HNRNPF: variants seen among roughly 807,000 people sequenced by gnomAD.
The protein encoded by HNRNPF is heterogeneous nuclear ribonucleoprotein F.
HNRNPF carries 2 observed loss-of-function variants against 26.0 expected under a neutral mutation model. The observed-to-expected ratio is 0.08, with a 90% confidence interval of 0.03 to 0.24. HNRNPF has a LOEUF of 0.24. HNRNPF is among the 10% of genes least tolerant of loss of function. The probability of loss-of-function intolerance (pLI) is 1.00; values close to 1 mark genes in which losing one functional copy is unlikely to be tolerated. For missense variants in HNRNPF, 299 were observed against 539.2 expected (o/e 0.55, Z 4.41); for synonymous variants, 234 against 211.5 (o/e 1.11, Z -0.92).
In HNRNPF at chr10:43,387,252, G is replaced by A. The variant is rs760900002; in HGVS notation, c.633C>T (p.Asp211=). The A allele has an allele frequency of 1.2e-6, 2 of 1,614,224 alleles. No homozygotes were observed. Among genetic ancestry groups the A allele is most frequent in the South Asian group, 1.1e-5 (1 of 91,088 alleles). ...FMSVQRPGPY[D]RPGTARRYIG... ...TGTACCTCCTGGCAGTCCCGGGCCG[G>A]TCATAGGGCCCTGGCCGCTGCACGG... Residue 211 remains aspartate (D), a synonymous_variant, in exon 4 of 4, where the codon GAC becomes GAT. Transcript: ENST00000682386. The surrounding 1 kb of genome is among the most constrained non-coding windows in gnomAD (Gnocchi z 6.0).
chr10:43,393,287 T>A (rs1408760558), intron 3 of HNRNPF, among the ~76,000 whole-genome samples: 1 of 152,296 alleles, frequency 6.6e-6, no homozygotes, highest in South Asian at 2.1e-4. Flanking sequence ...AGATTACCGA[T>A]ATATCTTTTA....
chr10:43,395,556 C>G (rs891942876), intron 2 of HNRNPF, among the ~76,000 whole-genome samples: 1 of 152,198 alleles, frequency 6.6e-6, no homozygotes, highest in Non-Finnish European at 1.5e-5. Flanking sequence ...GTCTTGCAAA[C>G]TTCCAGTGAT....
chr10:43,402,576 C>G (rs987578378), intron 1 of HNRNPF, among the ~76,000 whole-genome samples: 3 of 152,216 alleles, frequency 2.0e-5, no homozygotes, highest in African/African-American at 7.2e-5. Flanking sequence ...CCCTAGCATA[C>G]TAATACAACG....
At chr10:43,402,905 T>TA (rs397789925) in intron 1 of HNRNPF, among the ~76,000 whole-genome samples, 1 of 150,738 alleles carries the variant, frequency 6.6e-6, no homozygotes, top group Non-Finnish European at 1.5e-5. Context: ...TTTTTTTTTT[T>TA]AAACGGGGTC....
intron 1 of HNRNPF, among the ~76,000 whole-genome samples, chr10:43,398,584 C>G (rs953190298): frequency 6.6e-6 from 1 of 152,116 alleles, no homozygotes; most frequent in Non-Finnish European, 1.5e-5. Flanking sequence ...TTGTGATCCA[C>G]CCACTTCAGC....
Position 43,386,680 on chromosome 10 carries a change from C to T in HNRNPF, c.1205G>A (p.Gly402Glu), listed in dbSNP as rs1838037514. Residue 402 changes from glycine to glutamate, a missense_variant, in exon 4 of 4, where the codon GGG becomes GAG. Physicochemically the swap from Gly to Glu is moderately conservative, Grantham distance 98 (BLOSUM62 -2). This residue lies in a region of HNRNPF where 53 missense variants were observed against 72.4 expected (regional missense o/e 0.73). Transcript: ENST00000682386. ...GCTGTTCTGCCCACTGTAGCCGGCC[C>T]CGTAACAGCCACTCACTGACTGGCT... is the stretch of plus-strand genomic sequence containing the variant. ...LESQSVSGCY[G>E]AGYSGQNSMG... is the part of the protein sequence containing the mutation. The T allele has an allele frequency of 6.3e-7, 1 of 1,590,598 alleles. No individual in the cohort carries two copies. Among genetic ancestry groups the T allele is most frequent in the South Asian group, 1.1e-5 (1 of 87,432 alleles).
At position 43,387,402 on chromosome 10, in the gene HNRNPF, C is replaced by T. The variant is rs762259484; in HGVS notation, c.483G>A (p.Ser161=). The T allele has an allele frequency of 6.8e-6, 11 of 1,614,192 alleles. No individual in the cohort carries two copies. The highest frequency in any genetic ancestry group is 1.1e-5 in the South Asian group (1 of 91,084). The change falls in exon 4 of 4, where the codon TCG becomes TCA. Residue 161 remains serine, a synonymous_variant. Coordinates refer to ENST00000682386, the MANE Select transcript of HNRNPF (RefSeq NM_001098204.2). The surrounding 1 kb of genome is among the most constrained non-coding windows in gnomAD (Gnocchi z 6.0). ...CTAGAGCCTTCTCAGCTAACTCCTG[C>T]GAGGCAAACTGCACGAACGCTTCCC... ...ITGEAFVQFA[S]QELAEKALGK...
intron 3 of HNRNPF, among the ~76,000 whole-genome samples, chr10:43,394,300 G>T (rs990367849): frequency 6.6e-6 from 1 of 152,196 alleles, no homozygotes; most frequent in African/African-American, 2.4e-5. Context: ...TCTTTTACAT[G>T]TCATAAGTGT....
chr10:43,386,661 C>G lies in HNRNPF; in HGVS notation c.1224G>C (p.Gln408His), dbSNP rs141846469. Residue 408 changes from glutamine to histidine, a missense_variant, in exon 4 of 4, where the codon CAG becomes CAC. Transcript: ENST00000682386. ...SGCYGAGYSG[Q>H]NSMGGYD ...ACTAGTCATAGCCACCCATGCTGTT[C>G]TGCCCACTGTAGCCGGCCCCGTAAC... 1.9e-6 allele frequency: 3 copies of G among 1,574,024 alleles called. No homozygotes were observed. The highest frequency in any genetic ancestry group is 2.8e-5 in the African/African-American group (2 of 72,454).
Position 43,386,589 on chromosome 10 carries a change from T to C in HNRNPF, c.*48A>G, listed in dbSNP as rs754143332. On this transcript the variant is annotated 3_prime_UTR_variant, in exon 4 of 4. Transcript: ENST00000682386. The stretch of plus-strand genomic sequence containing the variant: ...ATTATAACTGCTCTTAATTGCTTGT[T>C]GGCTGCCTGTGAAAATGATTGAAGT... 4 of 1,490,046 alleles carry C rather than the reference T, an allele frequency of 2.7e-6. No homozygotes were observed. In the East Asian group the frequency reaches 6.8e-5, roughly 25 times the overall value. The allele number at this position is 1,490,046 out of a possible 1,614,324, so 92.3% of individuals were successfully genotyped here.
rs1162461222 is a variant in HNRNPF at position 43,396,753 on chromosome 10, C to G, written c.-246-163G>C. 8 of 152,182 alleles carry G rather than the reference C, an allele frequency of 5.3e-5. No homozygotes were observed. The South Asian group carries it at 6.2e-4, about 12-fold the overall frequency. 9.4% of individuals were successfully genotyped at this position (152,182 alleles called of 1,614,324 possible). A position where few individuals can be genotyped will look rare whatever the true frequency, so the allele number is the denominator to read the frequency against. On this transcript the variant is annotated intron_variant, in intron 1 of 3. Coordinates refer to ENST00000682386, the MANE Select transcript of HNRNPF (RefSeq NM_001098204.2). ...GGCACTCCAGCAGCCTCGGACCGCCCGGCCCGGCAGGAAGGTCGGCCCCAG... is the reference window on the plus strand; with the variant it reads ...GGCACTCCAGCAGCCTCGGACCGCCGGGCCCGGCAGGAAGGTCGGCCCCAG...
At chr10:43,401,054 C>A (rs1838739737) in intron 1 of HNRNPF, among the ~76,000 whole-genome samples, 1 of 151,358 alleles carries the variant, frequency 6.6e-6, no homozygotes, top group African/African-American at 2.4e-5. Context: ...TGCACTCCAG[C>A]CTGGGCGATA....
intron 2 of HNRNPF, among the ~76,000 whole-genome samples, chr10:43,395,398 A>C (rs1048553315): frequency 6.6e-6 from 1 of 152,218 alleles, no homozygotes; most frequent in African/African-American, 2.4e-5. Context: ...ATCCCAGTAA[A>C]AACGCTGCCC....
chr10:43,386,726 C>T lies in HNRNPF; in HGVS notation c.1159G>A (p.Ala387Thr), dbSNP rs758568867. ...TGGCTCTCCAGGCCACTGTAAGTGG[C>T]CTGGGCAGCAGACACCCCCATGCCT... ...MQGMGVSAAQ[A>T]TYSGLESQSV... is the part of the protein sequence containing the mutation. The change falls in exon 4 of 4, where the codon GCC (alanine) becomes ACC (threonine). Residue 387 changes from alanine to threonine, a missense_variant. Around this residue, in one of 6 missense-constraint regions of HNRNPF, gnomAD observed 53 missense variants for 72.4 expected, o/e 0.73. Coordinates refer to ENST00000682386, the MANE Select transcript of HNRNPF (RefSeq NM_001098204.2). 6.2e-7 allele frequency: 1 copy of T among 1,614,152 alleles called. No homozygotes were observed. The highest frequency in any genetic ancestry group is 8.5e-7 in the Non-Finnish European group (1 of 1,180,028).
intron 1 of HNRNPF, among the ~76,000 whole-genome samples, chr10:43,402,972 T>C (rs1838799060): frequency 6.6e-6 from 1 of 152,104 alleles, no homozygotes; most frequent in Non-Finnish European, 1.5e-5. Flanking sequence ...CTGCATCCTC[T>C]ATGTCTTTAC....
At chr10:43,395,270 T>C (rs1199623539) in intron 2 of HNRNPF, among the ~76,000 whole-genome samples, 3 of 152,172 alleles carry the variant, frequency 2.0e-5, no homozygotes, top group Non-Finnish European at 2.9e-5. Context: ...GTCTGATTTA[T>C]AGGAACCCCT....
intron 1 of HNRNPF, among the ~76,000 whole-genome samples, chr10:43,403,424 AATTG>A (rs1838814170): frequency 6.6e-6 from 1 of 152,206 alleles, no homozygotes; most frequent in Non-Finnish European, 1.5e-5. Flanking sequence ...ATGAACTTGG[AATTG>A]ATTTTTTCAT....
At chr10:43,408,168 C>A (rs1838991846) in intron 1 of HNRNPF, among the ~76,000 whole-genome samples, 3 of 152,148 alleles carry the variant, frequency 2.0e-5, no homozygotes, top group Admixed American at 2.0e-4. Context: ...AGAGATCCTC[C>A]CGGCTGGGCC....
chr10:43,404,864 G>GT lies in HNRNPF; in HGVS notation c.-247+4266dup, dbSNP rs533019993. Reference sequence around the variant, plus strand: ...CCAAAACCAAAAACTACCTCTAGAGGTAACTATCACTTTACAGGAAATATA... The same window carrying GT: ...CCAAAACCAAAAACTACCTCTAGAGGTTAACTATCACTTTACAGGAAATATA... On this transcript the variant is annotated intron_variant, in intron 1 of 3. Coordinates refer to ENST00000682386, the MANE Select transcript of HNRNPF (RefSeq NM_001098204.2). Among the ~76,000 whole-genome samples, 34 of 152,230 alleles carry GT rather than the reference G, an allele frequency of 2.2e-4. No homozygotes were observed. In the South Asian group the frequency reaches 5.6e-3, roughly 25 times the overall value.
Sources: allele counts gnomAD v4.1 joint callset (sites outside exome capture counted in the v4.1 genomes callset), GRCh38; gene constraint gnomAD v4.1.1; regional missense constraint gnomAD v4.1.1; non-coding constraint Gnocchi (gnomAD v3.1); transcripts MANE v1.5; gene names NCBI Gene and HGNC (gene_info 2026-07-23, HGNC 2026-07-21).